The following ECT2L variants were observed in gnomAD, a reference collection of about 807,000 sequenced individuals.
The protein encoded by ECT2L is epithelial cell-transforming sequence 2 oncogene-like.
A neutral mutation model predicts 122.8 loss-of-function variants in ECT2L; 126 were observed. The ratio of observed to expected loss-of-function variants is 1.03; its 90% CI spans 0.89 to 1.19. The LOEUF (loss-of-function observed/expected upper bound fraction) is 1.19, where lower values mean the gene tolerates loss of function less well. ECT2L is among the 50% of genes most tolerant of loss of function. The pLI, the probability that ECT2L is intolerant of heterozygous loss-of-function variation, is 0.00. For missense variants in ECT2L, 1,012 were observed against 1,064.1 expected, an observed-to-expected ratio of 0.95 and a Z score of 0.68; for synonymous variants, 385 against 381.8, an observed-to-expected ratio of 1.01 and a Z score of -0.10.
intron 14 of ECT2L, 121 bp from the exon 15 acceptor site, chr6:138,880,836 C>T (rs970878091): frequency 2.3e-5 from 18 of 774,512 alleles, no homozygotes; most frequent in Admixed American, 1.8e-4. Context: ...CCGTAGCCCC[C>T]GTGAAGTCCC....
intron 16 of ECT2L, 121 bp from the exon 17 acceptor site, chr6:138,885,385 T>C (rs563570055): frequency 1.0e-5 from 9 of 859,750 alleles, no homozygotes; most frequent in African/African-American, 8.4e-5. Flanking sequence ...AGTCTACTAA[T>C]TGGTTAGACA....
chr6:138,874,754 T>C (rs934346069), intron 13 of ECT2L, among the ~76,000 whole-genome samples: 1 of 152,176 alleles, frequency 6.6e-6, no homozygotes, highest in African/African-American at 2.4e-5. Flanking sequence ...CCTGAGAGTT[T>C]TGTTTTTGTT....
chr6:138,890,546 CAAT>C (rs1374227018), intron 20 of ECT2L, among the ~76,000 whole-genome samples: 1 of 115,710 alleles, frequency 8.6e-6, no homozygotes, highest in Non-Finnish European at 1.6e-5. Context: ...AAAACAGCTA[CAAT>C]GATGGAAAGA....
chr6:138,896,096 T>C lies in ECT2L; in HGVS notation c.2415-4852T>C, dbSNP rs1286167908. 2.6e-5 allele frequency among the ~76,000 whole-genome samples: 4 copies of C among 151,690 alleles called. 1 individual carries two copies. The highest frequency in any genetic ancestry group is 6.3e-3 in the Middle Eastern group (2 of 316). ...AACACTGATTTTCATTGCTGAATTT[T>C]TTTTTTTTTTTCCTTAATGAGATGG... On this transcript the variant is annotated intron_variant, in intron 20 of 21. Coordinates refer to ENST00000541398, the MANE Select transcript of ECT2L (RefSeq NM_001077706.3).
At chr6:138,879,556 C>T (rs1166255249) in intron 14 of ECT2L, 2 of 151,940 alleles carry the variant, frequency 1.3e-5, no homozygotes, top group African/African-American at 4.8e-5. Context: ...TTATCTAGTA[C>T]CAGCAATAAA....
chr6:138,824,568 C>CA (rs375064265), intron 4 of ECT2L, among the ~76,000 whole-genome samples: 18 of 91,664 alleles, frequency 2.0e-4, no homozygotes, highest in Admixed American at 3.7e-4. Context: ...TAAAAAAAAA[C>CA]AAAAAACAAA....
intron 4 of ECT2L, among the ~76,000 whole-genome samples, chr6:138,824,561 A>AAAAAAAAAAC (rs1554269892): frequency 1.0e-5 from 1 of 98,624 alleles, no homozygotes; most frequent in African/African-American, 3.6e-5. Context: ...AAAACTATAA[A>AAAAAAAAAAC]AAAAAACAAA....
chr6:138,875,304 G>C (rs1778401113), intron 13 of ECT2L, among the ~76,000 whole-genome samples: 1 of 152,380 alleles, frequency 6.6e-6, no homozygotes, highest in South Asian at 2.1e-4. Context: ...TTCTTCTGCA[G>C]AGGCTCAGGC....
At chr6:138,880,057 C>G (rs1267524384) in intron 14 of ECT2L, among the ~76,000 whole-genome samples, 2 of 152,220 alleles carry the variant, frequency 1.3e-5, no homozygotes, top group African/African-American at 4.8e-5. Context: ...GGGCTCATAG[C>G]TCCAAGTCTA....
At chr6:138,850,753 G>A (rs560089998) in intron 9 of ECT2L, among the ~76,000 whole-genome samples, 1 of 152,144 alleles carries the variant, frequency 6.6e-6, no homozygotes, top group South Asian at 2.1e-4. Flanking sequence ...TATAATCCCA[G>A]CGCTTTGGGA....
intron 4 of ECT2L, among the ~76,000 whole-genome samples, chr6:138,831,657 A>G (rs895271631): frequency 2.0e-5 from 3 of 152,256 alleles, no homozygotes; most frequent in Non-Finnish European, 2.9e-5. Context: ...TATTTATTAG[A>G]TTTTTTTAAA....
intron 4 of ECT2L, among the ~76,000 whole-genome samples, chr6:138,822,206 C>T (rs1359007939): frequency 6.6e-6 from 1 of 152,210 alleles, no homozygotes; most frequent in Admixed American, 6.5e-5. Flanking sequence ...AAGCACTCTG[C>T]CAGTTGCCAG....
At chr6:138,851,038 GA>G (rs1777431963) in intron 9 of ECT2L, among the ~76,000 whole-genome samples, 1 of 101,804 alleles carries the variant, frequency 9.8e-6, no homozygotes, top group Non-Finnish European at 2.1e-5. Flanking sequence ...AAGAGAGAAA[GA>G]AAAAGAAATC....
chr6:138,874,607 T>A (rs1243181871), intron 13 of ECT2L, among the ~76,000 whole-genome samples: 1 of 152,184 alleles, frequency 6.6e-6, no homozygotes, highest in African/African-American at 2.4e-5. Flanking sequence ...GGGTCCATGA[T>A]GACACCTGAA....
At chr6:138,806,511 C>CTTTTTTTGTTTTT (rs1775715831) in intron 1 of ECT2L, among the ~76,000 whole-genome samples, 1 of 89,676 alleles carries the variant, frequency 1.1e-5, no homozygotes, top group Admixed American at 1.6e-4. Flanking sequence ...AAAATTCACG[C>CTTTTTTTGTTTTT]TTTTTTTTTT....
At chr6:138,845,711 T>A (rs1777196938) in intron 7 of ECT2L, among the ~76,000 whole-genome samples, 1 of 152,228 alleles carries the variant, frequency 6.6e-6, no homozygotes, top group Non-Finnish European at 1.5e-5. Flanking sequence ...ATGCTACATA[T>A]GGATCTCTGT....
intron 1 of ECT2L, among the ~76,000 whole-genome samples, chr6:138,802,327 G>A (rs1212773635): frequency 1.3e-5 from 2 of 152,200 alleles, no homozygotes; most frequent in African/African-American, 4.8e-5. Flanking sequence ...GCTAAGCTAT[G>A]TCTACACTTG....
chr6:138,808,729 C>CTT (rs748228059), intron 1 of ECT2L, among the ~76,000 whole-genome samples: 23 of 92,592 alleles, frequency 2.5e-4, no homozygotes, highest in African/African-American at 6.5e-4. Flanking sequence ...TTTCTCTTTT[C>CTT]TTTTTTTTTT....
chr6:138,852,558 G>C (rs1777486713), intron 9 of ECT2L, among the ~76,000 whole-genome samples: 1 of 152,162 alleles, frequency 6.6e-6, no homozygotes, highest in South Asian at 2.1e-4. Context: ...GTGAGTCCCT[G>C]AGACACCCGT....
Sources: allele counts gnomAD v4.1 joint callset (sites outside exome capture counted in the v4.1 genomes callset), GRCh38; gene constraint gnomAD v4.1.1; transcripts MANE v1.5; gene names NCBI Gene and HGNC (gene_info 2026-07-23, HGNC 2026-07-21).